Variants in HECA observed in about 807,000 individuals in gnomAD.
HECA encodes the protein HECA ribonucleoprotein granule regulator, also known as headcase protein homolog.
In HECA, 13 loss-of-function variants were observed where a neutral mutation model predicts 37.6. The ratio of observed to expected loss-of-function variants is 0.35; its 90% CI spans 0.23 to 0.55. HECA has a LOEUF of 0.55. Among genes scored for constraint, HECA ranks in the 20% least tolerant of loss-of-function variants. The pLI is 0.90. For missense variants in HECA, 527 were observed against 701.9 expected (o/e 0.75, Z 2.82); for synonymous variants, 307 against 291.5 (o/e 1.05, Z -0.54).
intron 2 of HECA, among the ~76,000 whole-genome samples, chr6:139,173,800 C>T (rs1488934473): frequency 1.3e-5 from 2 of 152,136 alleles, no homozygotes; most frequent in African/African-American, 2.4e-5. Context: ...AGACATTGAA[C>T]TTCTTTTAAA....
At chr6:139,151,129 C>A (rs1434553368) in intron 1 of HECA, 1 of 152,030 alleles carries the variant, frequency 6.6e-6, no homozygotes, top group African/African-American at 2.4e-5. Flanking sequence ...GCAGTGTGGC[C>A]CCAGGCAAAA....
intron 1 of HECA, among the ~76,000 whole-genome samples, chr6:139,140,915 G>A (rs1774505364): frequency 1.3e-5 from 2 of 151,754 alleles, no homozygotes; most frequent in African/African-American, 2.4e-5. Flanking sequence ...CTCAGCCTCC[G>A]GAGTAGCTGG....
intron 1 of HECA, chr6:139,166,063 G>C (rs987839761): frequency 6.2e-6 from 3 of 480,916 alleles, no homozygotes; most frequent in Non-Finnish European, 1.1e-5. Flanking sequence ...GATGAAGGGC[G>C]TTGAAGGTCC....
intron 1 of HECA, among the ~76,000 whole-genome samples, chr6:139,161,056 C>T (rs1297585351): frequency 2.6e-5 from 4 of 151,932 alleles, no homozygotes; most frequent in South Asian, 2.1e-4. Flanking sequence ...GTGTGTGTGT[C>T]GGGGACAGGG....
intron 1 of HECA, among the ~76,000 whole-genome samples, chr6:139,163,352 CT>C (rs60943037): frequency 1.1e-3 from 150 of 142,410 alleles, no homozygotes; most frequent in South Asian, 6.1e-3. Context: ...GTTCTCCATT[CT>C]TTTTTTTTTT....
At position 139,135,223 on chromosome 6, in the gene HECA, C is replaced by A; in HGVS notation, c.-174C>A. The A allele has an allele frequency of 2.3e-6, 1 of 426,492 alleles. No homozygotes were observed. The highest frequency in any genetic ancestry group is 3.3e-6 in the Non-Finnish European group (1 of 300,104). 26.4% of individuals were successfully genotyped at this position (426,492 alleles called of 1,614,324 possible). A position where few individuals can be genotyped will look rare whatever the true frequency, so the allele number is the denominator to read the frequency against. ...CGGCTCCAGGAAGCCGGAGAGGGCG[C>A]GGCGGCCAGGATGGCGCGGCACGGG... On this transcript the variant is annotated 5_prime_UTR_variant, in exon 1 of 4. Coordinates refer to ENST00000367658, the MANE Select transcript of HECA (RefSeq NM_016217.3).
chr6:139,153,862 A>C (rs967242310), intron 1 of HECA, among the ~76,000 whole-genome samples: 1 of 152,240 alleles, frequency 6.6e-6, no homozygotes, highest in African/African-American at 2.4e-5. Flanking sequence ...AAATATACAT[A>C]TAAACTTTTA....
At chr6:139,170,229 C>A (rs904655764) in intron 2 of HECA, 24 of 152,294 alleles carry the variant, frequency 1.6e-4, no homozygotes, top group African/African-American at 5.1e-4. Context: ...CTTTTTCTAT[C>A]CATGATGGAC....
At chr6:139,174,325 T>C in intron 2 of HECA, 60 bp from the exon 3 acceptor site, 1 of 1,544,540 alleles carries the variant, frequency 6.5e-7, no homozygotes. Context: ...TTTTATCTCC[T>C]TGGAGATGAA....
chr6:139,147,064 A>G (rs544599283), intron 1 of HECA, among the ~76,000 whole-genome samples: 50 of 152,286 alleles, frequency 3.3e-4, no homozygotes, highest in Admixed American at 2.3e-3. Flanking sequence ...TGACACCTGC[A>G]GTCTGCAGTC....
Position 139,166,651 on chromosome 6 carries a change from GCCT to G in HECA, c.643_645del (p.Pro215del). 2 of 1,614,132 alleles carry G rather than the reference GCCT, an allele frequency of 1.2e-6. No homozygotes were observed. The highest frequency in any genetic ancestry group is 1.7e-6 in the Non-Finnish European group (2 of 1,180,014). On this transcript the variant is annotated inframe_deletion, in exon 2 of 4. Coordinates refer to ENST00000367658, the MANE Select transcript of HECA (RefSeq NM_016217.3). ...CTGGCTCCGAGAAGAACACAGGGAGGCCTCCTGGTGAGGCGGCGGAGGAGGCAA... is the reference window on the plus strand; with the variant it reads ...CTGGCTCCGAGAAGAACACAGGGAGGCCTGGTGAGGCGGCGGAGGAGGCAA...
chr6:139,177,180 C>T lies in HECA; in HGVS notation c.*75C>T, dbSNP rs1385318606. 1.2e-5 allele frequency: 8 copies of T among 671,392 alleles called. No individual in the cohort carries two copies. Among genetic ancestry groups the T allele is most frequent in the African/African-American group, 1.8e-5 (1 of 55,734 alleles). 41.6% of individuals were successfully genotyped at this position (671,392 alleles called of 1,614,324 possible). ...TACATATCTTTTATAGGGAAACATT[C>T]TGTGACATTAATTTCCTTTCTAATT... On this transcript the variant is annotated 3_prime_UTR_variant, in exon 4 of 4. Coordinates refer to ENST00000367658, the MANE Select transcript of HECA (RefSeq NM_016217.3). This position sits in a 1 kb window ranked among gnomAD's most constrained non-coding sequence, Gnocchi z 4.9.
intron 1 of HECA, among the ~76,000 whole-genome samples, chr6:139,137,534 C>T (rs1415654788): frequency 6.6e-6 from 1 of 151,908 alleles, no homozygotes; most frequent in Non-Finnish European, 1.5e-5. Context: ...CTAAGGGATC[C>T]AGCGGTAATC....
At chr6:139,139,400 A>C (rs1221411832) in intron 1 of HECA, among the ~76,000 whole-genome samples, 3 of 152,260 alleles carry the variant, frequency 2.0e-5, no homozygotes, top group African/African-American at 7.2e-5. Context: ...AATAGATTAC[A>C]TACATTAGAT....
At chr6:139,159,484 T>C (rs1386568096) in intron 1 of HECA, among the ~76,000 whole-genome samples, 1 of 151,416 alleles carries the variant, frequency 6.6e-6, no homozygotes, top group African/African-American at 2.4e-5. Flanking sequence ...GGTACCTGGG[T>C]GCCACAAGGA....
chr6:139,165,438 G>C (rs1428550825), intron 1 of HECA, among the ~76,000 whole-genome samples: 1 of 151,954 alleles, frequency 6.6e-6, no homozygotes, highest in Non-Finnish European at 1.5e-5. Flanking sequence ...TTGACATTAG[G>C]GTTCCCTTTT....
chr6:139,159,029 C>T, intron 1 of HECA: 1 of 152,046 alleles, frequency 6.6e-6, no homozygotes, highest in Non-Finnish European at 1.5e-5. Flanking sequence ...GCCGAGATAG[C>T]ACCATGGCAC....
intron 1 of HECA, among the ~76,000 whole-genome samples, chr6:139,156,821 A>G (rs1204476602): frequency 6.6e-6 from 1 of 152,218 alleles, no homozygotes; most frequent in Non-Finnish European, 1.5e-5. Context: ...CCCATGAGTA[A>G]AATGCAGTCA....
intron 1 of HECA, among the ~76,000 whole-genome samples, chr6:139,138,042 AC>A (rs34773047): frequency 5.3e-5 from 8 of 150,936 alleles, no homozygotes; most frequent in African/African-American, 1.7e-4. Flanking sequence ...AATGTGAGGA[AC>A]CCCCCCTCAG....
Sources: gnomAD v4.1 joint callset for allele counts (sites outside exome capture counted in the v4.1 genomes callset) on GRCh38, gnomAD v4.1.1 for gene constraint, Gnocchi (gnomAD v3.1) non-coding constraint, MANE v1.5 for transcripts, NCBI Gene and HGNC (gene_info 2026-07-23, HGNC 2026-07-21) for gene names.